The following KPNB1 variants were observed in gnomAD, a reference collection of about 807,000 sequenced individuals.
KPNB1 encodes importin subunit beta-1.
A neutral mutation model predicts 113.0 loss-of-function variants in KPNB1; 7 were observed. That is an observed-to-expected ratio of 0.06 (90% CI 0.04 to 0.12). The LOEUF (loss-of-function observed/expected upper bound fraction) is 0.12, where lower values mean the gene tolerates loss of function less well. Among genes scored for constraint, KPNB1 ranks in the 10% least tolerant of loss-of-function variants. The probability of loss-of-function intolerance (pLI) is 1.00; values close to 1 mark genes in which losing one functional copy is unlikely to be tolerated. For synonymous variants in KPNB1, 363 were observed against 378.6 expected, an observed-to-expected ratio of 0.96 and a Z score of 0.48; for missense variants, 400 against 1,054.8, an observed-to-expected ratio of 0.38 and a Z score of 8.60.
intron 16 of KPNB1, among the ~76,000 whole-genome samples, chr17:47,676,717 A>G (rs2030624152): frequency 6.6e-6 from 1 of 151,840 alleles, no homozygotes; most frequent in African/African-American, 2.4e-5. Flanking sequence ...GTAACAGATA[A>G]TGGTGGACAA....
intron 9 of KPNB1, 48 bp from the exon 10 acceptor site, chr17:47,668,138 A>T: frequency 2.6e-6 from 4 of 1,511,610 alleles, no homozygotes; most frequent in Non-Finnish European, 3.7e-6. Context: ...TTAGAGTTAA[A>T]ATGATTCTTT....
intron 9 of KPNB1, among the ~76,000 whole-genome samples, chr17:47,666,066 T>C (rs1222419667): frequency 6.6e-6 from 1 of 152,130 alleles, no homozygotes; most frequent in Admixed American, 6.6e-5. Context: ...TTTTTTCTTT[T>C]GTTTTGAGAT....
intron 9 of KPNB1, among the ~76,000 whole-genome samples, chr17:47,665,528 A>G (rs887984985): frequency 6.6e-6 from 1 of 152,226 alleles, no homozygotes; most frequent in Admixed American, 6.5e-5. Flanking sequence ...TATCCAGGAT[A>G]CTTTCGTGAG....
intron 9 of KPNB1, among the ~76,000 whole-genome samples, chr17:47,666,171 G>C (rs1438093716): frequency 2.6e-5 from 4 of 151,760 alleles, no homozygotes; most frequent in African/African-American, 7.3e-5. Flanking sequence ...TCCCACTCTA[G>C]CCTCCCCAGT....
chr17:47,670,901 T>C, intron 12 of KPNB1, 69 bp downstream of exon 12: 2 of 1,337,892 alleles, frequency 1.5e-6, no homozygotes, highest in Non-Finnish European at 2.1e-6. Flanking sequence ...GTGTGGAGGA[T>C]ATCTAGCTTA....
chr17:47,661,982 C>T (rs1233738877), intron 6 of KPNB1, among the ~76,000 whole-genome samples: 1 of 152,122 alleles, frequency 6.6e-6, no homozygotes, highest in Non-Finnish European at 1.5e-5. Context: ...TCCCCTGTAG[C>T]CATTAAAGCA....
At chr17:47,681,161 C>T (rs1201472293) in intron 21 of KPNB1, among the ~76,000 whole-genome samples, 4 of 151,926 alleles carry the variant, frequency 2.6e-5, no homozygotes, top group Admixed American at 6.6e-5. Context: ...CTGCTGCCTC[C>T]TGGGTTTGAG....
chr17:47,680,262 C>T (rs1343198428), intron 20 of KPNB1, 128 bp downstream of exon 20: 8 of 779,244 alleles, frequency 1.0e-5, no homozygotes, highest in Middle Eastern at 2.4e-4. Flanking sequence ...GATTTCTTTG[C>T]AGAACGCTTC....
chr17:47,663,722 C>T (rs1267434486), intron 7 of KPNB1, among the ~76,000 whole-genome samples: 4 of 151,974 alleles, frequency 2.6e-5, no homozygotes, highest in African/African-American at 4.8e-5. Flanking sequence ...TGGTGGCTCA[C>T]GCCTGTAATC....
chr17:47,666,549 T>C (rs967045495), intron 9 of KPNB1, among the ~76,000 whole-genome samples: 1 of 89,638 alleles, frequency 1.1e-5, no homozygotes, highest in Admixed American at 1.6e-4. Flanking sequence ...TTATATATTA[T>C]ATATTATGTT....
Position 47,675,374 on chromosome 17 carries a change from TTTTTTTTTTTGTTTG to T in KPNB1, c.1912+604_1912+618del, listed in dbSNP as rs1358927455. Among the ~76,000 whole-genome samples the T allele has an allele frequency of 9.0e-4, 103 of 114,342 alleles. 16 individuals carry two copies. The highest frequency in any genetic ancestry group is 2.8e-3 in the African/African-American group (70 of 24,704). The allele number at this position is 114,342 out of a possible 152,430, so 75.0% of individuals were successfully genotyped here. A position where few individuals can be genotyped will look rare whatever the true frequency, so the allele number is the denominator to read the frequency against. On this transcript the variant is annotated intron_variant, in intron 15 of 21. Transcript: ENST00000290158. ...GGCAGAGGTGTTGTTTTTTTTTTGT[TTTTTTTTTTTGTTTG>T]TTTTTTTTTTGAGACTTGTTCTGTT...
At chr17:47,651,393 C>G (rs1487463885) in intron 2 of KPNB1, 1 of 969,782 alleles carries the variant, frequency 1.0e-6, no homozygotes, top group Non-Finnish European at 1.2e-6. Context: ...GGAATTAAGT[C>G]TGAGTAACAC....
intron 3 of KPNB1, among the ~76,000 whole-genome samples, chr17:47,654,378 C>T (rs8071832): frequency 0.043 from 6,364 of 147,864 alleles, 247 homozygotes; most frequent in East Asian, 0.11. Context: ...TTGCGCATTG[C>T]ACTCCAGCCT....
At chr17:47,652,619 A>T in intron 2 of KPNB1, 75 bp from the exon 3 acceptor site, 1 of 1,234,588 alleles carries the variant, frequency 8.1e-7, no homozygotes. Flanking sequence ...CTGGTGGTTC[A>T]GTGCTCTATA....
intron 4 of KPNB1, 31 bp downstream of exon 4, chr17:47,657,091 A>G (rs1314591212): frequency 1.9e-6 from 3 of 1,571,388 alleles, no homozygotes; most frequent in African/African-American, 2.7e-5. Flanking sequence ...TCTGGTTTAT[A>G]TACCTCTGAT....
chr17:47,681,265 CTTTTTTTTTT>C (rs535906429), intron 21 of KPNB1, among the ~76,000 whole-genome samples: 3 of 122,696 alleles, frequency 2.4e-5, no homozygotes, highest in African/African-American at 9.1e-5. Context: ...TTTTCTTCTT[CTTTTTTTTTT>C]TTTTTTTCTT....
intron 3 of KPNB1, among the ~76,000 whole-genome samples, chr17:47,654,129 T>G (rs1915654488): frequency 6.6e-6 from 1 of 152,082 alleles, no homozygotes; most frequent in Admixed American, 6.6e-5. Flanking sequence ...AATTAGACAA[T>G]AATGGCTGGG....
At chr17:47,677,396 C>T (rs1405767475) in intron 17 of KPNB1, among the ~76,000 whole-genome samples, 1 of 147,506 alleles carries the variant, frequency 6.8e-6, no homozygotes, top group Non-Finnish European at 1.5e-5. Flanking sequence ...CGCTTGTACC[C>T]GGGAGGTGGA....
intron 21 of KPNB1, among the ~76,000 whole-genome samples, chr17:47,681,411 G>A (rs904217299): frequency 6.6e-6 from 1 of 151,812 alleles, no homozygotes; most frequent in Non-Finnish European, 1.5e-5. Flanking sequence ...AGGATTACAG[G>A]TGCCCTACCA....
Sources: allele counts gnomAD v4.1 joint callset (sites outside exome capture counted in the v4.1 genomes callset), GRCh38; gene constraint gnomAD v4.1.1; transcripts MANE v1.5; gene names NCBI Gene and HGNC (gene_info 2026-07-23, HGNC 2026-07-21).